Variants in PPP1R21 observed in about 807,000 individuals in gnomAD.
The protein encoded by PPP1R21 is KLRAQ motif containing 1.
In PPP1R21, 85 loss-of-function variants were observed where a neutral mutation model predicts 112.8. The ratio of observed to expected loss-of-function variants is 0.75; its 90% CI spans 0.63 to 0.90. The LOEUF (loss-of-function observed/expected upper bound fraction) is 0.90. PPP1R21 is among the 40% of genes least tolerant of loss of function. The pLI is 0.00. For missense variants in PPP1R21, 1,199 were observed against 901.5 expected (o/e 1.33, Z -4.23); for synonymous variants, 381 against 322.3 (o/e 1.18, Z -1.95).
At chr2:48,473,854 T>G (rs183185122) in intron 11 of PPP1R21, among the ~76,000 whole-genome samples, 58 of 152,310 alleles carry the variant, frequency 3.8e-4, no homozygotes, top group Non-Finnish European at 6.6e-4. Flanking sequence ...TATTTAAAAT[T>G]AAAAATGGTA....
At chr2:48,468,936 A>C (rs915418933) in intron 9 of PPP1R21, among the ~76,000 whole-genome samples, 1 of 151,924 alleles carries the variant, frequency 6.6e-6, no homozygotes, top group African/African-American at 2.4e-5. Context: ...GACGTATCTG[A>C]GACTGGGAAG....
chr2:48,460,067 C>A, intron 5 of PPP1R21, 28 bp from the exon 6 acceptor site: 2 of 1,613,580 alleles, frequency 1.2e-6, no homozygotes, highest in African/African-American at 1.3e-5. Context: ...CCTGAGCCAT[C>A]TGTGTTTCTT....
intron 1 of PPP1R21, among the ~76,000 whole-genome samples, chr2:48,449,709 A>T (rs180673113): frequency 6.6e-6 from 1 of 152,078 alleles, no homozygotes; most frequent in Non-Finnish European, 1.5e-5. Flanking sequence ...GATCTGAGCT[A>T]TGCAGAATTA....
At chr2:48,458,016 G>A (rs1667799528) in intron 3 of PPP1R21, 110 bp from the exon 4 acceptor site, 9 of 750,740 alleles carry the variant, frequency 1.2e-5, no homozygotes, top group South Asian at 1.1e-4. Context: ...GTTTGAGAAT[G>A]GTGAACACAT....
rs1472266269 is a variant in PPP1R21, at chr2:48,514,946, G to A, written c.*202G>A. On this transcript the variant is annotated 3_prime_UTR_variant, in exon 22 of 22. Transcript: ENST00000294952. ...TGAGGCAAATACAGAAGTTGATGTC[G>A]GCAGTAAATGGAAAACAATACGTAT... The A allele has an allele frequency of 5.5e-6, 3 of 550,036 alleles. No homozygotes were observed. The highest frequency in any genetic ancestry group is 2.9e-5 in the East Asian group (1 of 34,086). 34.1% of individuals were successfully genotyped at this position (550,036 alleles called of 1,614,324 possible).
At chr2:48,463,912 T>TGGAGA (rs1304607669) in intron 7 of PPP1R21, among the ~76,000 whole-genome samples, 3 of 151,332 alleles carry the variant, frequency 2.0e-5, no homozygotes, top group African/African-American at 7.3e-5. Flanking sequence ...CATTGGGTAG[T>TGGAGA]GGAGAGGAGA....
intron 20 of PPP1R21, among the ~76,000 whole-genome samples, chr2:48,510,779 G>A (rs1227372758): frequency 1.3e-5 from 2 of 152,178 alleles, no homozygotes; most frequent in Non-Finnish European, 2.9e-5. Flanking sequence ...TGTGTTGTAG[G>A]CCTCACCTAT....
chr2:48,461,948 A>AT (rs555783578), intron 7 of PPP1R21, among the ~76,000 whole-genome samples: 120 of 152,220 alleles, frequency 7.9e-4, no homozygotes, highest in Non-Finnish European at 1.1e-3. Context: ...AAAAAGAAAA[A>AT]TAGCAGTTTG....
At position 48,486,720 on chromosome 2, in the gene PPP1R21, C is replaced by G; in HGVS notation, c.1408C>G (p.Leu470Val). ...GCTGATAACAACTAATGACTGTATC[C>G]TGTCATCAGTAGTGGCATTAACAAA... is the stretch of plus-strand genomic sequence containing the variant. ...QKLITTNDCI[L>V]SSVVALTNGA... Residue 470 changes from leucine (L) to valine (V), a missense_variant, in exon 14 of 22, where the codon CTG becomes GTG. Transcript: ENST00000294952. 6.2e-7 allele frequency: 1 copy of G among 1,613,946 alleles called. No homozygotes were observed. Among genetic ancestry groups the G allele is most frequent in the Non-Finnish European group, 8.5e-7 (1 of 1,179,906 alleles).
At chr2:48,455,708 GC>G (rs1247275727) in intron 3 of PPP1R21, among the ~76,000 whole-genome samples, 2 of 152,038 alleles carry the variant, frequency 1.3e-5, no homozygotes, top group African/African-American at 4.8e-5. Context: ...GATTGTCAAA[GC>G]GTTACTACTC....
At chr2:48,465,731 G>A in intron 9 of PPP1R21, 89 bp downstream of exon 9, 2 of 1,169,350 alleles carry the variant, frequency 1.7e-6, no homozygotes. Context: ...CACCATCCAA[G>A]TACTGCAAAG....
chr2:48,511,974 G>A (rs1176224303), intron 21 of PPP1R21, among the ~76,000 whole-genome samples: 1 of 152,136 alleles, frequency 6.6e-6, no homozygotes, highest in African/African-American at 2.4e-5. Flanking sequence ...AGCTGAGAAA[G>A]TCTGGCCTCT....
At position 48,514,837 on chromosome 2, in the gene PPP1R21, C is replaced by T. The variant is rs977284174; in HGVS notation, c.*93C>T. The T allele has an allele frequency of 1.5e-6, 2 of 1,291,200 alleles. No homozygotes were observed. The highest frequency in any genetic ancestry group is 2.2e-6 in the Non-Finnish European group (2 of 905,082). 80.0% of individuals were successfully genotyped at this position (1,291,200 alleles called of 1,614,324 possible). A position where few individuals can be genotyped will look rare whatever the true frequency, so the allele number is the denominator to read the frequency against. ...AGACCACGTCCATGCTGGCTGCCTT[C>T]AGGAAGCTAAAGTATTGTTGGACCT... On this transcript the variant is annotated 3_prime_UTR_variant, in exon 22 of 22. Coordinates refer to ENST00000294952, the MANE Select transcript of PPP1R21 (RefSeq NM_001135629.3).
intron 14 of PPP1R21, among the ~76,000 whole-genome samples, chr2:48,487,588 C>T (rs999084958): frequency 1.3e-5 from 2 of 151,386 alleles, no homozygotes; most frequent in Non-Finnish European, 2.9e-5. Context: ...CATGTCAAGA[C>T]CTCATCCCTA....
Position 48,511,369 on chromosome 2 carries a change from C to G in PPP1R21, c.2214C>G (p.Tyr738Ter), listed in dbSNP as rs368074104. 5.0e-6 allele frequency: 8 copies of G among 1,613,578 alleles called. No homozygotes were observed. Among genetic ancestry groups the G allele is most frequent in the Admixed American group, 1.7e-5 (1 of 59,896 alleles). ...AGCTGACAACTACCAAGAGGAGTTACGAGGATCAGTTAAGTATGATGAGTG... is the reference window on the plus strand; with the variant it reads ...AGCTGACAACTACCAAGAGGAGTTAGGAGGATCAGTTAAGTATGATGAGTG... ...QDELTTTKRS[Y>*]EDQLSMMSDH... The change falls in exon 21 of 22, where the codon TAC (tyrosine) becomes TAG (stop). Residue 738 changes from tyrosine to a stop codon, truncating the protein, a stop_gained. Transcript: ENST00000294952. LOFTEE classifies it high-confidence loss of function.
At chr2:48,478,851 C>T (rs909793644) in intron 12 of PPP1R21, among the ~76,000 whole-genome samples, 2 of 152,338 alleles carry the variant, frequency 1.3e-5, no homozygotes, top group Non-Finnish European at 1.5e-5. Context: ...CTTCTCCACA[C>T]TGTATTACAA....
chr2:48,487,452 A>C (rs964339975), intron 14 of PPP1R21, among the ~76,000 whole-genome samples: 1 of 152,132 alleles, frequency 6.6e-6, no homozygotes, highest in Non-Finnish European at 1.5e-5. Context: ...AACTAACTAA[A>C]GTGCAGTTTC....
At chr2:48,468,444 A>G (rs1039441559) in intron 9 of PPP1R21, among the ~76,000 whole-genome samples, 2 of 152,236 alleles carry the variant, frequency 1.3e-5, no homozygotes, top group Non-Finnish European at 2.9e-5. Flanking sequence ...AGCTTTCAGA[A>G]GATCTGGATA....
chr2:48,471,358 A>G lies in PPP1R21; in HGVS notation c.1079A>G (p.Gln360Arg). The change falls in exon 11 of 22, where the codon CAG becomes CGG. Residue 360 changes from glutamine to arginine, a missense_variant. Gln to Arg is a conservative substitution (Grantham distance 43, BLOSUM62 1). Coordinates refer to ENST00000294952, the MANE Select transcript of PPP1R21 (RefSeq NM_001135629.3). ...ICFLRKILPY[Q>R]LKSLEEECES... is the part of the protein sequence containing the mutation. ...TTTCTTAGGAAGATTCTTCCCTATC[A>G]GTTAAAAAGGTAGTTACCCCCGGAG... 1.2e-6 allele frequency: 2 copies of G among 1,608,168 alleles called. No individual in the cohort carries two copies. The highest frequency in any genetic ancestry group is 1.7e-6 in the Non-Finnish European group (2 of 1,178,252).
Sources: gnomAD v4.1 joint callset for allele counts (sites outside exome capture counted in the v4.1 genomes callset) on GRCh38, gnomAD v4.1.1 for gene constraint, MANE v1.5 for transcripts, NCBI Gene and HGNC (gene_info 2026-07-23, HGNC 2026-07-21) for gene names.